The following TRPM3 variants were observed in gnomAD, a reference collection of about 807,000 sequenced individuals.
TRPM3 encodes long transient receptor potential channel 3.
A neutral mutation model predicts 181.2 loss-of-function variants in TRPM3; 77 were observed. The observed-to-expected ratio is 0.42, with a 90% confidence interval of 0.35 to 0.51. The LOEUF (loss-of-function observed/expected upper bound fraction) is 0.51. TRPM3 is among the 20% of genes least tolerant of loss of function. The pLI, the probability that TRPM3 is intolerant of heterozygous loss-of-function variation, is 0.01. For missense variants in TRPM3, 1,759 were observed against 2,196.7 expected, an observed-to-expected ratio of 0.80 and a Z score of 3.98; for synonymous variants, 745 against 796.4, an observed-to-expected ratio of 0.94 and a Z score of 1.09.
In TRPM3 at chr9:70,938,780, G is replaced by A. The variant is rs969869077; in HGVS notation, c.178-74269C>T. Among the ~76,000 whole-genome samples the A allele has an allele frequency of 4.0e-5, 6 of 151,640 alleles. No homozygotes were observed. In the East Asian group the frequency reaches 9.8e-4, roughly 25 times the overall value. On this transcript the variant is annotated intron_variant, in intron 1 of 25. Transcript: ENST00000677713. ...ATCCTGGCTAACACAGCGAAACCCCGTCTCCACTAAAAAATACACACAAAA... is the reference window on the plus strand; with the variant it reads ...ATCCTGGCTAACACAGCGAAACCCCATCTCCACTAAAAAATACACACAAAA...
At chr9:70,883,591 A>T (rs1160953456) in intron 1 of TRPM3, among the ~76,000 whole-genome samples, 1 of 152,224 alleles carries the variant, frequency 6.6e-6, no homozygotes, top group Admixed American at 6.5e-5. Flanking sequence ...TTCTAGGCCC[A>T]CATTAATTTC....
intron 1 of TRPM3, among the ~76,000 whole-genome samples, chr9:71,198,027 C>A (rs2078508236): frequency 1.3e-5 from 2 of 150,862 alleles, no homozygotes; most frequent in Admixed American, 6.7e-5. Flanking sequence ...AGTCTTTAAT[C>A]CATCTTGAAT....
At chr9:71,070,032 T>C (rs1279874607) in intron 1 of TRPM3, among the ~76,000 whole-genome samples, 4 of 152,202 alleles carry the variant, frequency 2.6e-5, no homozygotes, top group Non-Finnish European at 4.4e-5. Context: ...TCATTCTGCT[T>C]AGTTTTTATT....
At chr9:71,101,305 C>T (rs1221749889) in intron 1 of TRPM3, among the ~76,000 whole-genome samples, 1 of 152,170 alleles carries the variant, frequency 6.6e-6, no homozygotes, top group Non-Finnish European at 1.5e-5. Flanking sequence ...CCTCCACAGT[C>T]AGTCGCTCTT....
Position 70,864,326 on chromosome 9 carries a change from A to T in TRPM3, c.257+106T>A, listed in dbSNP as rs527758556. On this transcript the variant is annotated intron_variant, in intron 2 of 25. Coordinates refer to ENST00000677713, the MANE Select transcript of TRPM3 (RefSeq NM_001366145.2). ...AAGATGTCCAGAAACAATATAAAAG[A>T]TATTTAATTTGACAGTGTTTCCCTT... The T allele has an allele frequency of 3.6e-4, 258 of 710,902 alleles. 2 individuals are homozygous for T. In the African/African-American group the frequency reaches 3.8e-3, roughly 10 times the overall value. 44.0% of individuals were successfully genotyped at this position (710,902 alleles called of 1,614,324 possible).
intron 1 of TRPM3, among the ~76,000 whole-genome samples, chr9:71,398,467 T>C (rs1003937085): frequency 4.6e-5 from 7 of 152,198 alleles, no homozygotes; most frequent in Non-Finnish European, 8.8e-5. Context: ...GGGAGGGACC[T>C]GGTGGGAGGT....
In TRPM3 at chr9:70,620,086, G is replaced by T; in HGVS notation, c.2119C>A (p.His707Asn). 6.2e-7 allele frequency: 1 copy of T among 1,604,458 alleles called. No individual in the cohort carries two copies. Among genetic ancestry groups the T allele is most frequent in the Non-Finnish European group, 8.5e-7 (1 of 1,172,392 alleles). The change falls in exon 16 of 26, where the codon CAC becomes AAC. Residue 707 changes from histidine to asparagine, a missense_variant. Coordinates refer to ENST00000677713, the MANE Select transcript of TRPM3 (RefSeq NM_001366145.2). ...GCTGGGCGGACCCACCTGGAATTGT[G>T]ATTCAGCTCCTGGGAAATGTCGTCA... ...MVDDISQELN[H>N]NSRDFGQLAV...
intron 1 of TRPM3, among the ~76,000 whole-genome samples, chr9:71,251,034 A>G (rs898404792): frequency 3.9e-5 from 6 of 152,216 alleles, no homozygotes; most frequent in Admixed American, 2.6e-4. Context: ...GAAGATGGAT[A>G]GAGAAATGGA....
At chr9:71,042,195 G>C (rs1452047484) in intron 1 of TRPM3, among the ~76,000 whole-genome samples, 1 of 150,550 alleles carries the variant, frequency 6.6e-6, no homozygotes, top group Non-Finnish European at 1.5e-5. Context: ...TATTGAAGTT[G>C]TTATTTGAAA....
intron 1 of TRPM3, among the ~76,000 whole-genome samples, chr9:71,341,026 C>T (rs996696724): frequency 2.0e-5 from 3 of 152,016 alleles, no homozygotes. Flanking sequence ...ACATCCTGTG[C>T]ATTAAAATAA....
intron 7 of TRPM3, among the ~76,000 whole-genome samples, chr9:70,770,469 C>G (rs146061759): frequency 6.6e-6 from 1 of 152,280 alleles, no homozygotes; most frequent in Admixed American, 6.5e-5. Flanking sequence ...GTAATTATAT[C>G]ACATAAAAAC....
chr9:71,292,463 A>G (rs1349195843), intron 1 of TRPM3, among the ~76,000 whole-genome samples: 1 of 152,034 alleles, frequency 6.6e-6, no homozygotes, highest in African/African-American at 2.4e-5. Flanking sequence ...AAACAATATC[A>G]GAAATGAAAA....
intron 9 of TRPM3, among the ~76,000 whole-genome samples, chr9:70,670,555 A>T (rs1165304076): frequency 2.0e-5 from 3 of 152,172 alleles, no homozygotes; most frequent in Non-Finnish European, 4.4e-5. Context: ...TCTAGATTCA[A>T]TTCCTTTCAG....
upstream of TRPM3, among the ~76,000 whole-genome samples, chr9:71,122,444 C>T (rs2073749579): frequency 6.6e-6 from 1 of 152,256 alleles, no homozygotes; most frequent in Non-Finnish European, 1.5e-5. Context: ...TACCCCCAGG[C>T]ATCGGACCTC....
chr9:71,416,134 T>C (rs1038086590), intron 1 of TRPM3, among the ~76,000 whole-genome samples: 8 of 151,812 alleles, frequency 5.3e-5, no homozygotes, highest in African/African-American at 1.9e-4. Flanking sequence ...TAACCTATAG[T>C]ATCGAAGCAT....
chr9:70,795,550 T>C (rs1390050725), intron 6 of TRPM3, among the ~76,000 whole-genome samples: 1 of 152,214 alleles, frequency 6.6e-6, no homozygotes, highest in Admixed American at 6.5e-5. Context: ...AATTATCCAA[T>C]TCCCTTCTCG....
chr9:70,544,812 C>T lies in TRPM3; in HGVS notation c.3707+4730G>A, dbSNP rs151174917. Among the ~76,000 whole-genome samples, 463 of 152,130 alleles carry T rather than the reference C, an allele frequency of 3.0e-3. 3 individuals carry two copies. Among genetic ancestry groups the T allele is most frequent in the African/African-American group, 0.011 (436 of 41,498 alleles). On this transcript the variant is annotated intron_variant, in intron 25 of 25. Transcript: ENST00000677713. ...AGTCTTGATTCTAGGTTAGAACAAA[C>T]ATTTCACAAGAAGAAGTTTGAGGAT...
intron 8 of TRPM3, among the ~76,000 whole-genome samples, chr9:70,699,223 T>A (rs2071607913): frequency 1.3e-5 from 2 of 152,250 alleles, no homozygotes; most frequent in East Asian, 1.9e-4. Flanking sequence ...CAAGAAAATT[T>A]TTTCTAGGAA....
chr9:71,420,729 G>GAAAGAGAA (rs1565557051), intron 1 of TRPM3, among the ~76,000 whole-genome samples: 2 of 49,020 alleles, frequency 4.1e-5, no homozygotes, highest in Non-Finnish European at 1.0e-4. Context: ...GAAAGAGAGA[G>GAAAGAGAA]AGAGAGAAAG....
Sources: allele counts gnomAD v4.1 joint callset (sites outside exome capture counted in the v4.1 genomes callset), GRCh38; gene constraint gnomAD v4.1.1; transcripts MANE v1.5; gene names NCBI Gene and HGNC (gene_info 2026-07-23, HGNC 2026-07-21).